The following ZNF536 variants were observed in gnomAD, a reference collection of about 807,000 sequenced individuals.
ZNF536 encodes the protein zinc finger protein 536.
In ZNF536, 13 loss-of-function variants were observed where a neutral mutation model predicts 84.5. The observed-to-expected ratio is 0.15, with a 90% CI of 0.10 to 0.24. The LOEUF is 0.24. Ranked by LOEUF, ZNF536 falls within the 10% of genes least tolerant of loss-of-function variation. ZNF536 has a pLI of 1.00. For missense variants in ZNF536, 1,536 were observed against 1,747.5 expected (o/e 0.88, Z 2.16); for synonymous variants, 811 against 742.5 (o/e 1.09, Z -1.50).
chr19:30,665,811 T>C (rs894500501), intron 1 of ZNF536: 2 of 152,492 alleles, frequency 1.3e-5, no homozygotes, highest in African/African-American at 4.8e-5. Flanking sequence ...ATTTGGGGTT[T>C]GGGTATTTGG....
intron 1 of ZNF536, among the ~76,000 whole-genome samples, chr19:30,677,124 A>G (rs1334963323): frequency 1.3e-5 from 2 of 152,240 alleles, no homozygotes; most frequent in Non-Finnish European, 2.9e-5. Context: ...AGCCCAAATT[A>G]ATGTATACCT....
chr19:30,451,387 T>C (rs140760057), intron 2 of ZNF536, among the ~76,000 whole-genome samples: 8 of 152,246 alleles, frequency 5.3e-5, no homozygotes, highest in Admixed American at 5.2e-4. Context: ...TTGGTAGACT[T>C]GTATCATCTC....
intron 3 of ZNF536, among the ~76,000 whole-genome samples, chr19:30,538,321 CGTGTAATATA>C (rs1407449941): frequency 6.6e-6 from 1 of 152,150 alleles, no homozygotes; most frequent in Non-Finnish European, 1.5e-5. Flanking sequence ...AAAAACCCAA[CGTGTAATATA>C]AATATATTTT....
intron 1 of ZNF536, among the ~76,000 whole-genome samples, chr19:30,645,486 G>A (rs1705011132): frequency 6.6e-6 from 1 of 152,144 alleles, no homozygotes; most frequent in African/African-American, 2.4e-5. Flanking sequence ...CAGAGGATAT[G>A]ACTATTATAG....
chr19:30,615,042 G>A (rs1358308936), intron 1 of ZNF536, among the ~76,000 whole-genome samples: 1 of 131,564 alleles, frequency 7.6e-6, no homozygotes, highest in African/African-American at 2.9e-5. Context: ...CGCCTCCCGG[G>A]TTCACGCCAT....
At chr19:30,252,591 T>G (rs1334279449) in intron 1 of ZNF536, among the ~76,000 whole-genome samples, 1 of 152,214 alleles carries the variant, frequency 6.6e-6, no homozygotes. Context: ...TGCCTACCAT[T>G]TTTTTGAGTG....
At position 30,615,464 on chromosome 19, in the gene ZNF536, T is replaced by C. The variant is rs571819216; in HGVS notation, c.169+65950T>C. 6.8e-4 allele frequency among the ~76,000 whole-genome samples: 103 copies of C among 152,294 alleles called. 1 individual carries two copies. In the South Asian group the frequency reaches 0.021, roughly 32 times the overall value. On this transcript the variant is annotated intron_variant, in intron 1 of 1. Coordinates refer to the ZNF536 transcript ENST00000592773. ...GTGAGTTTACCCTAGTTCAGTATGC[T>C]CTATTTTACTCAATTGACATGTCTG... is the stretch of plus-strand genomic sequence containing the variant.
intron 1 of ZNF536, among the ~76,000 whole-genome samples, chr19:30,678,327 G>A (rs2050832278): frequency 6.6e-6 from 1 of 152,168 alleles, no homozygotes; most frequent in Non-Finnish European, 1.5e-5. Flanking sequence ...AGGGGTCGGA[G>A]AGGCTCACGG....
intron 1 of ZNF536, among the ~76,000 whole-genome samples, chr19:30,231,652 T>C (rs765638702): frequency 6.6e-6 from 1 of 152,152 alleles, no homozygotes; most frequent in Non-Finnish European, 1.5e-5. Flanking sequence ...GAGGGATTGG[T>C]TGTTCAGGTC....
At chr19:30,352,553 T>C (rs780501171) in intron 3 of ZNF536, 1 of 152,266 alleles carries the variant, frequency 6.6e-6, no homozygotes, top group Non-Finnish European at 1.5e-5. Context: ...CCTTGTTGCG[T>C]TGACCAAACA....
In ZNF536 at chr19:30,506,521, G is replaced by A. The variant is rs1042269762; in HGVS notation, c.2171-28326G>A. 2.6e-5 allele frequency among the ~76,000 whole-genome samples: 4 copies of A among 152,152 alleles called. No individual in the cohort carries two copies. The East Asian group carries it at 7.7e-4, about 29-fold the overall frequency. ...AGGTCCCTTAACAGAGACTTCTAGG[G>A]CCCCCTTTGTGCTGAGGCGAGGGGA... On this transcript the variant is annotated intron_variant, in intron 2 of 4. Transcript: ENST00000355537.
At chr19:30,433,707 G>A (rs550403291) in intron 1 of ZNF536, among the ~76,000 whole-genome samples, 1 of 152,272 alleles carries the variant, frequency 6.6e-6, no homozygotes, top group East Asian at 1.9e-4. Flanking sequence ...ATGTTGGTCA[G>A]GCTGGTCTCA....
rs192405455 is a variant in ZNF536, at chr19:30,682,705, G to A, written c.170-28052G>A. ...TCCCTCTCTGCCTCCCCTCAGCCCG[G>A]AGGGGAAATGAGGGATGAAGAACGG... On this transcript the variant is annotated intron_variant, in intron 1 of 1. Transcript: ENST00000592773. 5.6e-3 allele frequency among the ~76,000 whole-genome samples: 855 copies of A among 152,260 alleles called. 1 individual carries two copies. Among genetic ancestry groups the A allele is most frequent in the Middle Eastern group, 0.017 (5 of 294 alleles).
intron 4 of ZNF536, chr19:30,556,459 C>T (rs2045968516): frequency 6.6e-6 from 1 of 152,280 alleles, no homozygotes. Flanking sequence ...GGCAGCCTCT[C>T]TGGATGGCAG....
intron 1 of ZNF536, among the ~76,000 whole-genome samples, chr19:30,657,922 C>A (rs1309107960): frequency 6.6e-6 from 1 of 152,126 alleles, no homozygotes; most frequent in Non-Finnish European, 1.5e-5. Context: ...ACAGACCTTA[C>A]CCAAACGTTT....
intron 2 of ZNF536, among the ~76,000 whole-genome samples, chr19:30,516,952 C>T (rs9676942): frequency 0.097 from 14,718 of 152,188 alleles, 981 homozygotes; most frequent in Non-Finnish European, 0.15. Flanking sequence ...AAGGCCAGTG[C>T]AGCAGTGAAG....
chr19:30,523,109 T>A (rs1177806493), intron 2 of ZNF536, among the ~76,000 whole-genome samples: 2 of 152,162 alleles, frequency 1.3e-5, no homozygotes. Flanking sequence ...ACTTTGTATG[T>A]GTCTGATTCC....
intron 1 of ZNF536, among the ~76,000 whole-genome samples, chr19:30,583,452 A>G (rs1034195748): frequency 6.6e-6 from 1 of 152,146 alleles, no homozygotes; most frequent in African/African-American, 2.4e-5. Flanking sequence ...AGCAGGCACT[A>G]CACTTTATTG....
At chr19:30,430,018 G>T (rs764347701) in intron 1 of ZNF536, among the ~76,000 whole-genome samples, 31 of 145,842 alleles carry the variant, frequency 2.1e-4, no homozygotes, top group Non-Finnish European at 3.4e-4. Flanking sequence ...ACAGAGTGGG[G>T]TTAGCTCTTT....
Sources: allele counts gnomAD v4.1 joint callset (sites outside exome capture counted in the v4.1 genomes callset), GRCh38; gene constraint gnomAD v4.1.1; transcripts MANE v1.5; gene names NCBI Gene and HGNC (gene_info 2026-07-23, HGNC 2026-07-21).